RGS7: variants seen among roughly 807,000 people sequenced by gnomAD.
The protein encoded by RGS7 is regulator of G-protein signaling 7.
In RGS7, 27 loss-of-function variants were observed where a neutral mutation model predicts 81.1. That is an observed-to-expected ratio of 0.33 (90% confidence interval 0.25 to 0.46). The LOEUF is 0.46. RGS7 is among the 20% of genes least tolerant of loss of function. RGS7 has a pLI of 1.00. For synonymous variants in RGS7, 208 were observed against 207.7 expected, an observed-to-expected ratio of 1.00 and a Z score of -0.01; for missense variants, 396 against 607.4, an observed-to-expected ratio of 0.65 and a Z score of 3.66.
chr1:240,784,445 C>T (rs1441220584), intron 18 of RGS7, among the ~76,000 whole-genome samples: 4 of 151,592 alleles, frequency 2.6e-5, no homozygotes, highest in Non-Finnish European at 4.4e-5. Context: ...TTGAGACCAT[C>T]CTGGCTAACA....
chr1:241,013,119 G>C (rs2059049487), intron 3 of RGS7, among the ~76,000 whole-genome samples: 1 of 147,830 alleles, frequency 6.8e-6, no homozygotes, highest in East Asian at 2.0e-4. Flanking sequence ...CTGGAATGCA[G>C]TGGTGTGATC....
chr1:241,019,890 T>C (rs12068733), intron 3 of RGS7, among the ~76,000 whole-genome samples: 27,203 of 152,186 alleles, frequency 0.18, 3,003 homozygotes, highest in African/African-American at 0.31. Flanking sequence ...AGTTCTCTGA[T>C]GGGTAGAAGA....
intron 2 of RGS7, among the ~76,000 whole-genome samples, chr1:241,306,703 AC>A (rs1262026102): frequency 1.3e-5 from 2 of 150,352 alleles, no homozygotes; most frequent in African/African-American, 2.5e-5. Context: ...ACACACATAC[AC>A]CCTTATACAC....
intron 3 of RGS7, among the ~76,000 whole-genome samples, chr1:241,026,884 T>A (rs369203310): frequency 4.5e-4 from 68 of 152,040 alleles, no homozygotes; most frequent in African/African-American, 1.6e-3. Context: ...AAGACATCCA[T>A]GATGTCTTCA....
intron 2 of RGS7, among the ~76,000 whole-genome samples, chr1:241,166,214 AG>A (rs1182810847): frequency 6.6e-6 from 1 of 152,238 alleles, no homozygotes; most frequent in Non-Finnish European, 1.5e-5. Context: ...CAGTCCTTGA[AG>A]GATAGGAAGA....
chr1:241,093,821 T>A (rs2064057337), intron 3 of RGS7, among the ~76,000 whole-genome samples: 7 of 151,772 alleles, frequency 4.6e-5, no homozygotes. Context: ...TATAACATTT[T>A]TCATGTACAC....
At chr1:240,820,577 G>C (rs1226015882) in intron 10 of RGS7, among the ~76,000 whole-genome samples, 1 of 152,052 alleles carries the variant, frequency 6.6e-6, no homozygotes, top group African/African-American at 2.4e-5. Context: ...GGGGACTTTG[G>C]GAGGTGACTA....
intron 2 of RGS7, among the ~76,000 whole-genome samples, chr1:241,136,314 G>A (rs2067514195): frequency 2.0e-5 from 3 of 152,214 alleles, no homozygotes; most frequent in African/African-American, 7.2e-5. Context: ...GATTCTGACT[G>A]AGTCTTTTTC....
chr1:241,182,763 C>T (rs561984392), intron 2 of RGS7, among the ~76,000 whole-genome samples: 1 of 151,646 alleles, frequency 6.6e-6, no homozygotes, highest in Non-Finnish European at 1.5e-5. Flanking sequence ...ATTCTCCTGC[C>T]TCAGCCTCCC....
chr1:241,314,867 T>C (rs1346389464), intron 2 of RGS7, among the ~76,000 whole-genome samples: 1 of 152,058 alleles, frequency 6.6e-6, no homozygotes, highest in Non-Finnish European at 1.5e-5. Flanking sequence ...AGGGAATAGA[T>C]AGAAGGTAGG....
intron 2 of RGS7, among the ~76,000 whole-genome samples, chr1:241,244,118 ATG>A (rs754591532): frequency 1.3e-5 from 2 of 151,634 alleles, no homozygotes; most frequent in Non-Finnish European, 2.9e-5. Flanking sequence ...TTCTTAGAAA[ATG>A]TGTGTGTGTG....
chr1:240,999,584 C>A (rs568398152), intron 3 of RGS7, among the ~76,000 whole-genome samples: 1 of 152,202 alleles, frequency 6.6e-6, no homozygotes, highest in East Asian at 1.9e-4. Context: ...CTTCCTGGTT[C>A]TTGGTACGAT....
rs540015321 is a variant in RGS7, at chr1:240,889,507, G to A, written c.386-19388C>T. Among the ~76,000 whole-genome samples, 30 of 152,268 alleles carry A rather than the reference G, an allele frequency of 2.0e-4. 1 individual carries two copies. The East Asian group carries it at 5.8e-3, about 29-fold the overall frequency. ...TGGCTAGGGGCTCAGGTTCGCTATC[G>A]CAATGGAAACTCCTGGGAGCTGTGA... On this transcript the variant is annotated intron_variant, in intron 6 of 18. Transcript: ENST00000440928.
intron 6 of RGS7, among the ~76,000 whole-genome samples, chr1:240,874,963 A>G (rs1572535941): frequency 6.6e-6 from 1 of 151,844 alleles, no homozygotes; most frequent in Non-Finnish European, 1.5e-5. Context: ...AATTGCTTGA[A>G]CCCGGGAGGC....
intron 6 of RGS7, among the ~76,000 whole-genome samples, chr1:240,897,037 T>C (rs1475148696): frequency 6.6e-6 from 1 of 152,200 alleles, no homozygotes; most frequent in Non-Finnish European, 1.5e-5. Flanking sequence ...TTTTATTCTC[T>C]TTGAAGCAAT....
intron 5 of RGS7, among the ~76,000 whole-genome samples, chr1:240,934,977 C>T (rs763623018): frequency 6.9e-6 from 1 of 145,350 alleles, no homozygotes; most frequent in Non-Finnish European, 1.5e-5. Flanking sequence ...CAACCTCCAT[C>T]TCCCAGGTTC....
At chr1:240,988,365 T>G (rs1360402711) in intron 3 of RGS7, among the ~76,000 whole-genome samples, 3 of 152,034 alleles carry the variant, frequency 2.0e-5, no homozygotes, top group Non-Finnish European at 1.5e-5. Flanking sequence ...ATTGAATTTC[T>G]TTAATTTTTA....
intron 2 of RGS7, among the ~76,000 whole-genome samples, chr1:241,127,628 C>A (rs544707722): frequency 6.6e-6 from 1 of 152,134 alleles, no homozygotes; most frequent in East Asian, 1.9e-4. Context: ...ACCAACATGG[C>A]ACATGTATAC....
intron 2 of RGS7, among the ~76,000 whole-genome samples, chr1:241,350,759 A>G (rs1324600741): frequency 6.6e-6 from 1 of 151,448 alleles, no homozygotes; most frequent in East Asian, 2.0e-4. Context: ...AAAAAAAAAA[A>G]AAAAAAAAGC....
Sources: gnomAD v4.1 joint callset for allele counts (sites outside exome capture counted in the v4.1 genomes callset) on GRCh38, gnomAD v4.1.1 for gene constraint, MANE v1.5 for transcripts, NCBI Gene and HGNC (gene_info 2026-07-23, HGNC 2026-07-21) for gene names.